Variants in PTPRT observed in about 807,000 individuals in gnomAD.
PTPRT encodes protein tyrosine phosphatase receptor type T, also known as receptor-type tyrosine-protein phosphatase T.
A neutral mutation model predicts 176.8 loss-of-function variants in PTPRT; 56 were observed. The observed-to-expected ratio is 0.32, with a 90% CI of 0.26 to 0.40. PTPRT has a LOEUF of 0.40. Among genes scored for constraint, PTPRT ranks in the 10% least tolerant of loss-of-function variants. PTPRT has a pLI of 1.00. For missense variants in PTPRT, 1,540 were observed against 1,908.2 expected, an observed-to-expected ratio of 0.81 and a Z score of 3.60; for synonymous variants, 783 against 739.0, an observed-to-expected ratio of 1.06 and a Z score of -0.96.
intron 7 of PTPRT, among the ~76,000 whole-genome samples, chr20:42,529,960 C>T (rs2072351925): frequency 6.6e-6 from 1 of 151,664 alleles, no homozygotes; most frequent in Non-Finnish European, 1.5e-5. Context: ...ATTTATTTAA[C>T]TCATCGCCTT....
intron 1 of PTPRT, among the ~76,000 whole-genome samples, chr20:43,107,518 G>A (rs1367930013): frequency 1.3e-5 from 2 of 152,200 alleles, no homozygotes; most frequent in Admixed American, 6.5e-5. Flanking sequence ...ACTAAGTGGT[G>A]TAACCGAAAA....
chr20:42,823,573 T>C (rs893381267), intron 2 of PTPRT, among the ~76,000 whole-genome samples: 27 of 151,986 alleles, frequency 1.8e-4, no homozygotes, highest in African/African-American at 6.3e-4. Flanking sequence ...CACATCCTCC[T>C]CAAAAAAAGT....
intron 7 of PTPRT, among the ~76,000 whole-genome samples, chr20:42,500,338 A>C (rs981183096): frequency 1.3e-5 from 2 of 151,984 alleles, no homozygotes; most frequent in South Asian, 4.1e-4. Flanking sequence ...CCCCATCAGC[A>C]AGGTAAATGC....
chr20:42,379,808 A>T (rs1183310318), intron 9 of PTPRT, among the ~76,000 whole-genome samples: 1 of 152,210 alleles, frequency 6.6e-6, no homozygotes, highest in Non-Finnish European at 1.5e-5. Flanking sequence ...AAGTGCCCCC[A>T]TGCTTTCCTC....
At chr20:42,164,481 G>C (rs911519042) in intron 16 of PTPRT, among the ~76,000 whole-genome samples, 1 of 152,170 alleles carries the variant, frequency 6.6e-6, no homozygotes, top group Non-Finnish European at 1.5e-5. Flanking sequence ...ATGCTATGAA[G>C]ACTCAGAACC....
At chr20:42,333,042 ACCAC>A (rs2057990744) in intron 11 of PTPRT, among the ~76,000 whole-genome samples, 1 of 152,218 alleles carries the variant, frequency 6.6e-6, no homozygotes, top group Non-Finnish European at 1.5e-5. Context: ...TTAGGAAACC[ACCAC>A]TCTGAGTTTT....
chr20:42,785,833 T>C (rs1488521452), intron 3 of PTPRT, among the ~76,000 whole-genome samples: 1 of 152,180 alleles, frequency 6.6e-6, no homozygotes, highest in Non-Finnish European at 1.5e-5. Context: ...TCTTTTCCTT[T>C]TTCCCTCCCT....
At chr20:42,903,155 A>G (rs140929366) in intron 1 of PTPRT, among the ~76,000 whole-genome samples, 4 of 152,348 alleles carry the variant, frequency 2.6e-5, no homozygotes, top group Non-Finnish European at 5.9e-5. Flanking sequence ...TGAGCAGCTA[A>G]TCTTTGCTAG....
intron 1 of PTPRT, among the ~76,000 whole-genome samples, chr20:43,149,524 G>A: frequency 6.6e-6 from 1 of 152,236 alleles, no homozygotes; most frequent in East Asian, 1.9e-4. Flanking sequence ...CTATTTAAGA[G>A]TGAAAGAGAC....
chr20:42,201,126 C>A (rs1400338290), intron 15 of PTPRT, among the ~76,000 whole-genome samples: 1 of 152,126 alleles, frequency 6.6e-6, no homozygotes, highest in African/African-American at 2.4e-5. Context: ...CCAGCTTGGG[C>A]AACATGGTGA....
chr20:42,513,577 G>T (rs1479352242), intron 7 of PTPRT, among the ~76,000 whole-genome samples: 2 of 151,940 alleles, frequency 1.3e-5, no homozygotes, highest in African/African-American at 4.8e-5. Context: ...CTTGAAACTT[G>T]CATGAGATAA....
At chr20:42,777,474 C>T (rs2077154739) in intron 4 of PTPRT, among the ~76,000 whole-genome samples, 1 of 152,152 alleles carries the variant, frequency 6.6e-6, no homozygotes, top group Non-Finnish European at 1.5e-5. Context: ...CCACTATATC[C>T]AAGCAGCCCT....
intron 2 of PTPRT, among the ~76,000 whole-genome samples, chr20:42,797,756 C>G (rs986929973): frequency 2.6e-5 from 4 of 152,012 alleles, no homozygotes; most frequent in Non-Finnish European, 5.9e-5. Flanking sequence ...CACAAGGGTC[C>G]TTTAGGTAGA....
intron 26 of PTPRT, among the ~76,000 whole-genome samples, 183 bp from the exon 27 acceptor site, chr20:42,098,735 A>T (rs6029973): frequency 0.023 from 3,438 of 152,360 alleles, 129 homozygotes; most frequent in African/African-American, 0.077. Context: ...AATGAACACA[A>T]TCTCCTCCAA....
intron 7 of PTPRT, among the ~76,000 whole-genome samples, chr20:42,509,806 A>G (rs2071921251): frequency 6.6e-6 from 1 of 152,042 alleles, no homozygotes; most frequent in African/African-American, 2.4e-5. Context: ...TATTTAGCAA[A>G]TATGTATTGA....
chr20:42,727,535 A>G (rs1473420728), intron 6 of PTPRT, among the ~76,000 whole-genome samples: 1 of 152,126 alleles, frequency 6.6e-6, no homozygotes, highest in East Asian at 1.9e-4. Flanking sequence ...GGTGTCACTT[A>G]TGTGTATGTG....
intron 7 of PTPRT, among the ~76,000 whole-genome samples, chr20:42,579,426 T>G (rs2073330579): frequency 6.6e-6 from 1 of 152,192 alleles, no homozygotes; most frequent in Non-Finnish European, 1.5e-5. Flanking sequence ...AAATACCCAG[T>G]AATGGCATGG....
At chr20:42,150,171 G>A (rs1397631495) in intron 17 of PTPRT, among the ~76,000 whole-genome samples, 3 of 152,096 alleles carry the variant, frequency 2.0e-5, no homozygotes, top group Non-Finnish European at 4.4e-5. Flanking sequence ...TCTGAGTTAT[G>A]CCTAAAATAG....
chr20:42,165,938 A>C (rs1332499955), intron 16 of PTPRT, among the ~76,000 whole-genome samples: 1 of 152,252 alleles, frequency 6.6e-6, no homozygotes, highest in Non-Finnish European at 1.5e-5. Context: ...AAGTAATTTC[A>C]ATAATACATT....
Sources: gnomAD v4.1 joint callset for allele counts (sites outside exome capture counted in the v4.1 genomes callset) on GRCh38, gnomAD v4.1.1 for gene constraint, MANE v1.5 for transcripts, NCBI Gene and HGNC (gene_info 2026-07-23, HGNC 2026-07-21) for gene names.